The following USP34 variants were observed in gnomAD, a reference collection of about 807,000 sequenced individuals.
USP34 encodes ubiquitin carboxyl-terminal hydrolase 34.
In USP34, 70 loss-of-function variants were observed where a neutral mutation model predicts 460.3. That is an observed-to-expected ratio of 0.15 (90% CI 0.13 to 0.19). The LOEUF (loss-of-function observed/expected upper bound fraction) is 0.19, where lower values mean the gene tolerates loss of function less well. Among genes scored for constraint, USP34 ranks in the 10% least tolerant of loss-of-function variants. The probability of loss-of-function intolerance (pLI) is 1.00; values close to 1 mark genes in which losing one functional copy is unlikely to be tolerated. For missense variants in USP34, 3,985 were observed against 4,236.2 expected (o/e 0.94, Z 1.65); for synonymous variants, 1,647 against 1,405.3 (o/e 1.17, Z -3.85).
Position 61,359,738 on chromosome 2 carries a change from T to C in USP34, c.1252-9045A>G, listed in dbSNP as rs565632348. 5.3e-5 allele frequency among the ~76,000 whole-genome samples: 8 copies of C among 150,482 alleles called. No homozygotes were observed. The South Asian group carries it at 1.7e-3, about 32-fold the overall frequency. On this transcript the variant is annotated intron_variant, in intron 10 of 79. Transcript: ENST00000398571. ...TCAAAAGAACAGGCATAGAAGGAAC[T>C]TACCTCAGCATAAGAGGCCATATAT... is the stretch of plus-strand genomic sequence containing the variant.
chr2:61,402,940 G>A (rs540646070), intron 3 of USP34, among the ~76,000 whole-genome samples: 253 of 152,110 alleles, frequency 1.7e-3, no homozygotes, highest in Non-Finnish European at 2.4e-3. Flanking sequence ...GACCCTTACC[G>A]CATTTAATTA....
intron 10 of USP34, among the ~76,000 whole-genome samples, chr2:61,369,762 A>T (rs1213243313): frequency 2.0e-5 from 3 of 151,274 alleles, no homozygotes; most frequent in African/African-American, 7.3e-5. Context: ...AAATTAAGAA[A>T]GAAAAAAAAA....
Position 61,235,298 on chromosome 2 carries a change from G to A in USP34, c.7032+547C>T, listed in dbSNP as rs148962011. Among the ~76,000 whole-genome samples the A allele has an allele frequency of 3.4e-3, 509 of 150,086 alleles. 2 individuals carry two copies. Among genetic ancestry groups the A allele is most frequent in the African/African-American group, 0.011 (437 of 40,942 alleles). ...TTTTCTATACATAGTTTTCCTTCTG[G>A]TAGATGAAGGGGGGAAAAAATTTTT... On this transcript the variant is annotated intron_variant, in intron 57 of 79. Coordinates refer to ENST00000398571, the MANE Select transcript of USP34 (RefSeq NM_014709.4).
In USP34 at chr2:61,383,144, T is replaced by C. The variant is rs1057501991; in HGVS notation, c.821+125A>G. On this transcript the variant is annotated intron_variant, in intron 6 of 79. Transcript: ENST00000398571. ...GCATAAAAAACACTATATACCAAAC[T>C]GTTACTTGAAATTTTCTCTAGAGGA... 1.3e-5 allele frequency: 7 copies of C among 546,674 alleles called. No individual in the cohort carries two copies. In the Admixed American group the frequency reaches 1.5e-4, roughly 11 times the overall value. The allele number at this position is 546,674 out of a possible 1,614,324, so 33.9% of individuals were successfully genotyped here.
At position 61,204,392 on chromosome 2, in the gene USP34, A is replaced by G. The variant is rs1471586775; in HGVS notation, c.9260-12T>C. On this transcript the variant is annotated splice_polypyrimidine_tract_variant and intron_variant, in intron 73 of 79. Coordinates refer to ENST00000398571, the MANE Select transcript of USP34 (RefSeq NM_014709.4). Reference sequence around the variant, plus strand: ...AGGTCCAAGAGACACTAAGATATTAAAAGTGTACAGTAAGAATAAATGGAA... The same window carrying G: ...AGGTCCAAGAGACACTAAGATATTAGAAGTGTACAGTAAGAATAAATGGAA... 6.2e-7 allele frequency: 1 copy of G among 1,614,144 alleles called. No homozygotes were observed. The highest frequency in any genetic ancestry group is 8.5e-7 in the Non-Finnish European group (1 of 1,180,010).
chr2:61,436,237 A>G (rs1186700), intron 1 of USP34, among the ~76,000 whole-genome samples: 3 of 151,636 alleles, frequency 2.0e-5, no homozygotes, highest in African/African-American at 7.3e-5. Context: ...ATTTGAGGCA[A>G]AAGAATCGCT....
At chr2:61,220,174 A>T in intron 67 of USP34, 136 bp downstream of exon 67, 1 of 385,988 alleles carries the variant, frequency 2.6e-6, no homozygotes, top group Non-Finnish European at 3.9e-6. Context: ...AAAAAAAAAA[A>T]AAAAAAAAGG....
intron 8 of USP34, among the ~76,000 whole-genome samples, chr2:61,373,523 C>G (rs1692694825): frequency 6.6e-6 from 1 of 151,348 alleles, no homozygotes; most frequent in Admixed American, 6.6e-5. Flanking sequence ...ATAAAATAGA[C>G]TAAGCCAAAA....
chr2:61,338,776 A>G lies in USP34; in HGVS notation c.2744+575T>C, dbSNP rs563549618. On this transcript the variant is annotated intron_variant, in intron 18 of 79. Transcript: ENST00000398571. ...ATATGAGGCAGAATTCAAACAAGAGAAAAAAACACTAATCTGTTTAAAAAC... is the reference window on the plus strand; with the variant it reads ...ATATGAGGCAGAATTCAAACAAGAGGAAAAAACACTAATCTGTTTAAAAAC... Among the ~76,000 whole-genome samples, 96 of 152,274 alleles carry G rather than the reference A, an allele frequency of 6.3e-4. 1 individual carries two copies. The highest frequency in any genetic ancestry group is 2.3e-3 in the South Asian group (11 of 4,820).
At chr2:61,335,871 A>G (rs564753075) in intron 18 of USP34, among the ~76,000 whole-genome samples, 1 of 152,316 alleles carries the variant, frequency 6.6e-6, no homozygotes, top group Admixed American at 6.5e-5. Flanking sequence ...TTGTAACCAA[A>G]AGCTTATGAC....
intron 26 of USP34, 37 bp from the exon 27 acceptor site, chr2:61,311,724 A>T (rs1279514933): frequency 6.2e-7 from 1 of 1,608,630 alleles, no homozygotes; most frequent in Non-Finnish European, 8.5e-7. Context: ...AAAATACAAA[A>T]AGAACAGATA....
At chr2:61,211,182 AT>A (rs570416001) in intron 69 of USP34, among the ~76,000 whole-genome samples, 224 of 152,300 alleles carry the variant, frequency 1.5e-3, no homozygotes, top group South Asian at 0.013. Flanking sequence ...ATTAAAAAAA[AT>A]GTGCCTAATA....
At chr2:61,224,421 G>A (rs1405045810) in intron 62 of USP34, among the ~76,000 whole-genome samples, 2 of 152,136 alleles carry the variant, frequency 1.3e-5, no homozygotes, top group Non-Finnish European at 2.9e-5. Flanking sequence ...ACAGTATCTT[G>A]TAGAAGGCAC....
At chr2:61,391,929 T>C (rs921770678) in intron 5 of USP34, among the ~76,000 whole-genome samples, 12 of 152,176 alleles carry the variant, frequency 7.9e-5, no homozygotes, top group Admixed American at 7.2e-4. Flanking sequence ...ACAAACAGAT[T>C]ATATAGTATT....
intron 1 of USP34, among the ~76,000 whole-genome samples, chr2:61,440,690 G>A (rs1235533997): frequency 1.3e-5 from 2 of 151,548 alleles, no homozygotes; most frequent in African/African-American, 4.8e-5. Context: ...GCTACTTTTT[G>A]TATTTTTAGT....
chr2:61,417,984 A>T (rs865859274), intron 2 of USP34, among the ~76,000 whole-genome samples: 1 of 150,502 alleles, frequency 6.6e-6, no homozygotes, highest in East Asian at 1.9e-4. Context: ...CAAGTGATCC[A>T]CCTCCCTGGG....
intron 75 of USP34, among the ~76,000 whole-genome samples, chr2:61,193,785 C>A (rs1558458719): frequency 6.6e-6 from 1 of 152,102 alleles, no homozygotes; most frequent in Non-Finnish European, 1.5e-5. Context: ...TAAGAAAAGA[C>A]TGAGTTAGAC....
chr2:61,251,296 TA>T (rs1688575092), intron 48 of USP34, among the ~76,000 whole-genome samples: 1 of 152,178 alleles, frequency 6.6e-6, no homozygotes, highest in Non-Finnish European at 1.5e-5. Context: ...TTAATTCAGC[TA>T]AAAAACTATA....
At chr2:61,351,481 G>A (rs2103786890) in intron 10 of USP34, among the ~76,000 whole-genome samples, 1 of 152,082 alleles carries the variant, frequency 6.6e-6, no homozygotes, top group Middle Eastern at 3.4e-3. Context: ...GTATTTTACA[G>A]CCATGAAGCT....
Sources: gnomAD v4.1 joint callset for allele counts (sites outside exome capture counted in the v4.1 genomes callset) on GRCh38, gnomAD v4.1.1 for gene constraint, MANE v1.5 for transcripts, NCBI Gene and HGNC (gene_info 2026-07-23, HGNC 2026-07-21) for gene names.